The following ANK3 variants were observed in gnomAD, a reference collection of about 807,000 sequenced individuals.
ANK3 encodes the protein ankyrin 3.
Under a neutral mutation model 370.9 loss-of-function variants are expected in ANK3, and 57 were observed. That is an observed-to-expected ratio of 0.15 (90% CI 0.12 to 0.19). The LOEUF (loss-of-function observed/expected upper bound fraction) is 0.19. ANK3 is among the 10% of genes least tolerant of loss of function. ANK3 has a pLI of 1.00. For missense variants in ANK3, 4,439 were observed against 5,302.1 expected (o/e 0.84, Z 5.06); for synonymous variants, 1,929 against 1,946.3 (o/e 0.99, Z 0.23).
At chr10:60,596,327 C>A (rs1041659985) in intron 2 of ANK3, among the ~76,000 whole-genome samples, 1 of 152,104 alleles carries the variant, frequency 6.6e-6, no homozygotes, top group African/African-American at 2.4e-5. Context: ...ATAATGAAAT[C>A]ACCAACACTG....
intron 21 of ANK3, among the ~76,000 whole-genome samples, chr10:60,167,713 A>T (rs2095659940): frequency 6.6e-6 from 1 of 151,960 alleles, no homozygotes; most frequent in African/African-American, 2.4e-5. Flanking sequence ...CACTAATGGT[A>T]CAAGGGAAGA....
chr10:60,264,236 A>G (rs1204151413), intron 5 of ANK3, among the ~76,000 whole-genome samples: 1 of 152,190 alleles, frequency 6.6e-6, no homozygotes, highest in African/African-American at 2.4e-5. Flanking sequence ...TAATAAGTTC[A>G]TGGGTTTTGG....
intron 8 of ANK3, among the ~76,000 whole-genome samples, chr10:60,229,651 A>C (rs1184713525): frequency 1.3e-5 from 2 of 152,222 alleles, no homozygotes; most frequent in Non-Finnish European, 2.9e-5. Context: ...CTGAGCATAA[A>C]TACTTCTTTA....
chr10:60,409,049 AG>A (rs758853836), intron 2 of ANK3, among the ~76,000 whole-genome samples: 2 of 152,244 alleles, frequency 1.3e-5, no homozygotes, highest in Admixed American at 6.5e-5. Context: ...ATATCTGGGA[AG>A]GCAAAGTGAA....
intron 1 of ANK3, among the ~76,000 whole-genome samples, chr10:60,680,137 GAA>G (rs10641945): frequency 7.8e-6 from 1 of 128,392 alleles, no homozygotes; most frequent in Admixed American, 8.2e-5. Context: ...TCTGTCTCGG[GAA>G]AAAAAAAAAA....
At chr10:60,665,726 G>T (rs185473227) in intron 1 of ANK3, among the ~76,000 whole-genome samples, 32 of 152,216 alleles carry the variant, frequency 2.1e-4, no homozygotes, top group Non-Finnish European at 4.3e-4. Flanking sequence ...CGTAATTTCT[G>T]CCAACCTAGT....
At chr10:60,534,887 G>T (rs1380317471) in intron 2 of ANK3, among the ~76,000 whole-genome samples, 1 of 152,106 alleles carries the variant, frequency 6.6e-6, no homozygotes, top group Non-Finnish European at 1.5e-5. Context: ...TACTTCCCTA[G>T]CTTTTCAGCA....
intron 38 of ANK3, among the ~76,000 whole-genome samples, chr10:60,065,162 G>T (rs2081389431): frequency 6.6e-6 from 1 of 152,084 alleles, no homozygotes; most frequent in African/African-American, 2.4e-5. Flanking sequence ...AAAAATAAAA[G>T]GGAGACAGCT....
At chr10:60,400,833 A>G (rs936719109) in intron 2 of ANK3, among the ~76,000 whole-genome samples, 1 of 152,120 alleles carries the variant, frequency 6.6e-6, no homozygotes, top group African/African-American at 2.4e-5. Flanking sequence ...CCCAGCATGC[A>G]TTAACTATTT....
chr10:60,730,667 C>T (rs1171694498), intron 1 of ANK3, among the ~76,000 whole-genome samples: 1 of 152,158 alleles, frequency 6.6e-6, no homozygotes, highest in Non-Finnish European at 1.5e-5. Flanking sequence ...AGTACCTTAA[C>T]ATTAACCCAG....
chr10:60,051,611 G>C (rs2078018345), intron 42 of ANK3: 26 of 757,172 alleles, frequency 3.4e-5, no homozygotes, highest in Non-Finnish European at 4.0e-5. Flanking sequence ...TAAAATAAAA[G>C]ACATTCTGAG....
intron 1 of ANK3, among the ~76,000 whole-genome samples, chr10:60,647,910 C>T (rs1361427928): frequency 2.0e-5 from 3 of 149,178 alleles, no homozygotes; most frequent in Non-Finnish European, 3.0e-5. Flanking sequence ...TGCAGTGGCG[C>T]GATCTTGGCT....
At chr10:60,330,909 A>G (rs1182934389) in intron 1 of ANK3, among the ~76,000 whole-genome samples, 1 of 152,228 alleles carries the variant, frequency 6.6e-6, no homozygotes, top group Non-Finnish European at 1.5e-5. Flanking sequence ...AATGTGGCAC[A>G]TATACCCCAT....
At chr10:60,716,158 T>A (rs7072527) in intron 1 of ANK3, among the ~76,000 whole-genome samples, 44,742 of 151,908 alleles carry the variant, frequency 0.29, 7,097 homozygotes, top group South Asian at 0.48. Flanking sequence ...CTCATAAAAA[T>A]TGTATTTTAA....
chr10:60,093,623 C>A (rs1385898150), intron 28 of ANK3, among the ~76,000 whole-genome samples: 1 of 152,134 alleles, frequency 6.6e-6, no homozygotes, highest in Admixed American at 6.6e-5. Context: ...AGCTATAACA[C>A]CCCCGAAAAC....
chr10:60,059,210 T>G (rs1401928744), intron 41 of ANK3, 130 bp downstream of exon 41: 2 of 719,422 alleles, frequency 2.8e-6, no homozygotes, highest in Admixed American at 2.2e-5. Flanking sequence ...AATGAACTGG[T>G]CTTTAAAGCA....
intron 18 of ANK3, among the ~76,000 whole-genome samples, chr10:60,179,257 G>A (rs989513584): frequency 6.6e-6 from 1 of 152,122 alleles, no homozygotes; most frequent in African/African-American, 2.4e-5. Flanking sequence ...ACTTCCTTTT[G>A]GTGGCTGTGA....
intron 2 of ANK3, among the ~76,000 whole-genome samples, chr10:60,609,845 CA>C (rs769631785): frequency 2.0e-4 from 30 of 152,178 alleles, no homozygotes; most frequent in Admixed American, 5.9e-4. Flanking sequence ...ACCCCCCTAA[CA>C]AAAATATGAT....
intron 1 of ANK3, among the ~76,000 whole-genome samples, chr10:60,650,982 GC>G (rs2078781313): frequency 6.6e-6 from 1 of 152,156 alleles, no homozygotes; most frequent in South Asian, 2.1e-4. Flanking sequence ...TGTAGTTCCA[GC>G]TACTCAGGAG....
Sources: allele counts gnomAD v4.1 joint callset (sites outside exome capture counted in the v4.1 genomes callset), GRCh38; gene constraint gnomAD v4.1.1; transcripts MANE v1.5; gene names NCBI Gene and HGNC (gene_info 2026-07-23, HGNC 2026-07-21).